Variants in NCOR1 observed in about 807,000 individuals in gnomAD.
NCOR1 encodes protein phosphatase 1, regulatory subunit 109.
Under a neutral mutation model 288.1 loss-of-function variants are expected in NCOR1, and 63 were observed. The ratio of observed to expected loss-of-function variants is 0.22; its 90% confidence interval spans 0.18 to 0.27. The LOEUF is 0.27. Ranked by LOEUF, NCOR1 falls within the 10% of genes least tolerant of loss-of-function variation. The probability of loss-of-function intolerance (pLI) is 1.00; values close to 1 mark genes in which losing one functional copy is unlikely to be tolerated. For synonymous variants in NCOR1, 1,007 were observed against 1,065.9 expected (o/e 0.94, Z 1.08); for missense variants, 2,397 against 3,019.2 (o/e 0.79, Z 4.83).
intron 3 of NCOR1, among the ~76,000 whole-genome samples, chr17:16,179,598 C>T (rs112629652): frequency 0.02 from 3,032 of 152,282 alleles, 50 homozygotes; most frequent in Middle Eastern, 0.037. Flanking sequence ...GCTAGAGGGA[C>T]TATTTCCCAA....
At chr17:16,045,750 C>T (rs2058547931) in intron 42 of NCOR1, among the ~76,000 whole-genome samples, 1 of 152,154 alleles carries the variant, frequency 6.6e-6, no homozygotes, top group South Asian at 2.1e-4. Flanking sequence ...AGGTGATCAA[C>T]CCGTCTTGGC....
intron 23 of NCOR1, among the ~76,000 whole-genome samples, chr17:16,082,283 G>A (rs896556743): frequency 2.6e-5 from 4 of 152,090 alleles, no homozygotes; most frequent in African/African-American, 7.2e-5. Flanking sequence ...TATAAGATAC[G>A]CAAAGAAACA....
chr17:16,159,841 CTTTT>C (rs776625584), intron 5 of NCOR1, among the ~76,000 whole-genome samples: 1 of 141,784 alleles, frequency 7.1e-6, no homozygotes, highest in Non-Finnish European at 1.6e-5. Flanking sequence ...TTAGGTCAAT[CTTTT>C]TTTTTTTTTT....
intron 10 of NCOR1, among the ~76,000 whole-genome samples, chr17:16,145,556 G>C (rs2077805915): frequency 6.7e-6 from 1 of 149,514 alleles, no homozygotes; most frequent in Non-Finnish European, 1.5e-5. Flanking sequence ...CCGCCACCCT[G>C]TCTGGGAGGT....
chr17:16,075,526 ATACT>A lies in NCOR1; in HGVS notation c.3670+4_3670+7del. On this transcript the variant is annotated splice_donor_5th_base_variant and intron_variant, in intron 27 of 45. Coordinates refer to ENST00000268712, the MANE Select transcript of NCOR1 (RefSeq NM_006311.4). The stretch of plus-strand genomic sequence containing the variant: ...ATACTGGCTTTGGTGCATACATACA[ATACT>A]TACTATCATATGACAAGATATGTCC... The A allele has an allele frequency of 6.2e-7, 1 of 1,614,004 alleles. No homozygotes were observed. The highest frequency in any genetic ancestry group is 8.5e-7 in the Non-Finnish European group (1 of 1,179,926).
intron 44 of NCOR1, 50 bp from the exon 45 acceptor site, chr17:16,034,994 T>C (rs2151859735): frequency 6.5e-7 from 1 of 1,550,112 alleles, no homozygotes; most frequent in Non-Finnish European, 8.8e-7. Context: ...TTCTCAAAAA[T>C]TACCAAAATG....
Position 16,068,042 on chromosome 17 carries a change from C to T in NCOR1, c.4593G>A (p.Ala1531=), listed in dbSNP as rs771741474. Residue 1531 remains alanine, a synonymous_variant, in exon 32 of 46, where the codon GCG becomes GCA. Transcript: ENST00000268712. ...GGTCCACCCCAGGCACTGGAGACTT[C>T]GCTGGGATACTTTCCCTCTGGGTAG... The part of the protein sequence containing the change: ...LTPTQRESIP[A]KSPVPGVDPV... The T allele has an allele frequency of 6.8e-6, 11 of 1,614,020 alleles. No individual in the cohort carries two copies. Among genetic ancestry groups the T allele is most frequent in the South Asian group, 3.3e-5 (3 of 91,078 alleles).
At chr17:16,094,466 ATAAC>A (rs1011460919) in intron 21 of NCOR1, among the ~76,000 whole-genome samples, 4 of 152,232 alleles carry the variant, frequency 2.6e-5, no homozygotes, top group Non-Finnish European at 4.4e-5. Flanking sequence ...TAAATAGAAA[ATAAC>A]TAAAGAAAAG....
chr17:16,215,225 C>A, intron 1 of NCOR1, 137 bp downstream of exon 1: 1 of 379,710 alleles, frequency 2.6e-6, no homozygotes, highest in Non-Finnish European at 4.7e-6. Flanking sequence ...CAGGACGGGT[C>A]CCGACCTGCC....
At chr17:16,199,527 C>G (rs770220947) in intron 1 of NCOR1, among the ~76,000 whole-genome samples, 8 of 152,140 alleles carry the variant, frequency 5.3e-5, no homozygotes. Context: ...CTCCCCCTGC[C>G]CTTTCCCATC....
At chr17:16,135,439 G>A (rs2076262191) in intron 14 of NCOR1, among the ~76,000 whole-genome samples, 1 of 152,044 alleles carries the variant, frequency 6.6e-6, no homozygotes, top group African/African-American at 2.4e-5. Context: ...GTACAAGTAT[G>A]CCCTTTATCC....
chr17:16,080,102 A>C (rs1192438171), intron 25 of NCOR1, 38 bp from the exon 26 acceptor site: 2 of 1,551,222 alleles, frequency 1.3e-6, no homozygotes, highest in African/African-American at 2.7e-5. Context: ...TTACACCCCC[A>C]GCCCCTGCCC....
intron 44 of NCOR1, among the ~76,000 whole-genome samples, chr17:16,035,827 T>G (rs1274755658): frequency 6.6e-6 from 1 of 151,974 alleles, no homozygotes; most frequent in East Asian, 1.9e-4. Context: ...CAGGCATGAG[T>G]CATCATACCC....
intron 34 of NCOR1, 99 bp from the exon 35 acceptor site, chr17:16,064,286 G>C (rs1277208915): frequency 2.1e-6 from 3 of 1,460,406 alleles, no homozygotes; most frequent in Non-Finnish European, 2.8e-6. Context: ...TTTTCAAAAA[G>C]CTTCAAATTT....
chr17:16,145,436 A>G (rs1357054678), intron 10 of NCOR1, among the ~76,000 whole-genome samples: 1 of 120,530 alleles, frequency 8.3e-6, no homozygotes, highest in Non-Finnish European at 2.0e-5. Context: ...CCGGCCGCCC[A>G]TCGTCTGGGA....
chr17:16,049,040 T>C (rs1221845355), intron 40 of NCOR1, 52 bp from the exon 41 acceptor site: 2 of 1,481,738 alleles, frequency 1.3e-6, no homozygotes, highest in East Asian at 2.4e-5. Flanking sequence ...AACCTGGGAC[T>C]TACCTAAACA....
rs755784013 is a variant in NCOR1 at position 16,034,979 on chromosome 17, T to G, written c.6956-35A>C. 8.8e-6 allele frequency: 14 copies of G among 1,592,310 alleles called. No homozygotes were observed. The African/African-American group carries it at 1.8e-4, about 20-fold the overall frequency. The stretch of plus-strand genomic sequence containing the variant: ...AAATTCAAGTTAAAGTATTAATATA[T>G]TAAGTTCTCAAAAATTACCAAAATG... On this transcript the variant is annotated intron_variant, in intron 44 of 45. Coordinates refer to ENST00000268712, the MANE Select transcript of NCOR1 (RefSeq NM_006311.4).
chr17:16,187,065 C>A (rs2086805021), intron 2 of NCOR1, among the ~76,000 whole-genome samples: 1 of 152,100 alleles, frequency 6.6e-6, no homozygotes, highest in Admixed American at 6.6e-5. Context: ...GAAGTCTAAT[C>A]AAATCCATCC....
intron 11 of NCOR1, among the ~76,000 whole-genome samples, chr17:16,140,220 T>C (rs1395383860): frequency 6.6e-6 from 1 of 152,228 alleles, no homozygotes; most frequent in Non-Finnish European, 1.5e-5. Context: ...AGCAAATAAA[T>C]TTAACAGAGA....
Sources: allele counts gnomAD v4.1 joint callset (sites outside exome capture counted in the v4.1 genomes callset), GRCh38; gene constraint gnomAD v4.1.1; transcripts MANE v1.5; gene names NCBI Gene and HGNC (gene_info 2026-07-23, HGNC 2026-07-21).